STK38: variants seen among roughly 807,000 people sequenced by gnomAD.
STK38 encodes the protein serine/threonine kinase 38.
A neutral mutation model predicts 59.0 loss-of-function variants in STK38; 26 were observed. The observed-to-expected ratio is 0.44, with a 90% CI of 0.32 to 0.61. STK38 has a LOEUF of 0.61. Ranked by LOEUF, STK38 falls within the 20% of genes least tolerant of loss-of-function variation. The pLI, the probability that STK38 is intolerant of heterozygous loss-of-function variation, is 0.04. For missense variants in STK38, 433 were observed against 566.0 expected (o/e 0.76, Z 2.38); for synonymous variants, 175 against 176.6 (o/e 0.99, Z 0.07).
At chr6:36,499,529 C>T (rs184978160) in intron 10 of STK38, among the ~76,000 whole-genome samples, 11 of 152,192 alleles carry the variant, frequency 7.2e-5, no homozygotes, top group Non-Finnish European at 1.5e-4. Context: ...AGGAAGGGGG[C>T]GGCAAATTAG....
rs1200049731 is a variant in STK38 at position 36,522,855 on chromosome 6, CAAAAAAAAA to C, written c.307-1047_307-1039del. On this transcript the variant is annotated intron_variant, in intron 4 of 13. Transcript: ENST00000229812. ...TGGGCAACAGAGCAAGACTCTGTCT[CAAAAAAAAA>C]AAAAAAAAAAAAAAGAAGAAGAAGA... is the stretch of plus-strand genomic sequence containing the variant. Among the ~76,000 whole-genome samples the C allele has an allele frequency of 1.8e-4, 12 of 66,568 alleles. No individual in the cohort carries two copies. In the South Asian group the frequency reaches 1.9e-3, roughly 11 times the overall value. 43.7% of individuals were successfully genotyped at this position (66,568 alleles called of 152,430 possible).
chr6:36,507,454 T>C lies in STK38; in HGVS notation c.772+46A>G, dbSNP rs377586216. ...TTGGTTACAAGGGAAACAGCTCTTC[T>C]AGGCCCAGTTAGAACGAAAAGGCTA... is the stretch of plus-strand genomic sequence containing the variant. On this transcript the variant is annotated intron_variant, in intron 8 of 13. Coordinates refer to ENST00000229812, the MANE Select transcript of STK38 (RefSeq NM_007271.4). 3.9e-6 allele frequency: 6 copies of C among 1,522,544 alleles called. No homozygotes were observed. In the African/African-American group the frequency reaches 8.2e-5, roughly 21 times the overall value. The allele number at this position is 1,522,544 out of a possible 1,614,324, so 94.3% of individuals were successfully genotyped here.
chr6:36,526,226 T>G lies in STK38; in HGVS notation c.132-584A>C, dbSNP rs964311281. Reference sequence around the variant, plus strand: ...TCCTCTCTTGGTTTTGGGTGTTTTTTTTTTTTTTTTTTTCCAGTTATTTCC... The same window carrying G: ...TCCTCTCTTGGTTTTGGGTGTTTTTGTTTTTTTTTTTTTCCAGTTATTTCC... On this transcript the variant is annotated intron_variant, in intron 2 of 13. Transcript: ENST00000229812. Among the ~76,000 whole-genome samples, 101 of 91,682 alleles carry G rather than the reference T, an allele frequency of 1.1e-3. 1 individual carries two copies. In the East Asian group the frequency reaches 0.03, roughly 28 times the overall value. 60.1% of individuals were successfully genotyped at this position (91,682 alleles called of 152,430 possible). A position where few individuals can be genotyped will look rare whatever the true frequency, so the allele number is the denominator to read the frequency against.
rs192163171 is a variant in STK38, at chr6:36,531,412, G to A, written c.132-5770C>T. Among the ~76,000 whole-genome samples the A allele has an allele frequency of 4.9e-4, 75 of 152,244 alleles. 1 individual carries two copies. The East Asian group carries it at 0.012, about 24-fold the overall frequency. ...AAAATGTTTTGTAAAAAGAAATGCC[G>A]GTTTCTTCAGATTTGATTTCAAACT... On this transcript the variant is annotated intron_variant, in intron 2 of 13. Coordinates refer to ENST00000229812, the MANE Select transcript of STK38 (RefSeq NM_007271.4).
At chr6:36,527,881 C>T (rs988831051) in intron 2 of STK38, among the ~76,000 whole-genome samples, 5 of 150,430 alleles carry the variant, frequency 3.3e-5, no homozygotes, top group East Asian at 1.9e-4. Context: ...AGGCAGATCA[C>T]GAGGTCAGGA....
chr6:36,527,366 TAC>T (rs60339207), intron 2 of STK38, among the ~76,000 whole-genome samples: 33,057 of 145,324 alleles, frequency 0.23, 3,964 homozygotes, highest in Admixed American at 0.33. Context: ...TATATATTAG[TAC>T]ACACACACAC....
chr6:36,498,238 T>A, intron 11 of STK38, 125 bp downstream of exon 11: 1 of 1,343,344 alleles, frequency 7.4e-7, no homozygotes, highest in East Asian at 2.3e-5. Context: ...AGCCTTTTTA[T>A]TTGTTTAAAG....
intron 2 of STK38, among the ~76,000 whole-genome samples, chr6:36,528,256 A>T (rs1196510503): frequency 1.3e-5 from 2 of 152,138 alleles, no homozygotes; most frequent in Non-Finnish European, 2.9e-5. Flanking sequence ...TGTGCAAAGG[A>T]GTGATGTGAT....
At chr6:36,545,570 A>G (rs1304845803) in intron 1 of STK38, among the ~76,000 whole-genome samples, 1 of 152,132 alleles carries the variant, frequency 6.6e-6, no homozygotes, top group Non-Finnish European at 1.5e-5. Flanking sequence ...CCTCTATTGT[A>G]ATATAAAAAA....
chr6:36,497,938 C>CTTTT (rs147832342), intron 11 of STK38, 63 bp from the exon 12 acceptor site: 29 of 656,680 alleles, frequency 4.4e-5, no homozygotes, highest in South Asian at 8.6e-5. Flanking sequence ...GAAAAACTTT[C>CTTTT]TTTTTTTTTT....
intron 1 of STK38, among the ~76,000 whole-genome samples, chr6:36,541,175 C>T (rs1425492355): frequency 6.6e-6 from 1 of 152,176 alleles, no homozygotes; most frequent in Non-Finnish European, 1.5e-5. Flanking sequence ...CTGAGGATAA[C>T]AGGCGTGAGC....
At chr6:36,512,103 T>C (rs1016278794) in intron 7 of STK38, among the ~76,000 whole-genome samples, 4 of 152,096 alleles carry the variant, frequency 2.6e-5, no homozygotes, top group Admixed American at 2.6e-4. Context: ...AAAGTAAAAC[T>C]TTTTAAAAGC....
chr6:36,509,723 T>G (rs1022584905), intron 7 of STK38, among the ~76,000 whole-genome samples: 1 of 152,172 alleles, frequency 6.6e-6, no homozygotes, highest in Admixed American at 6.5e-5. Flanking sequence ...GGGCCGAGGC[T>G]GCTACAACTC....
chr6:36,521,368 G>A (rs1777371392), intron 5 of STK38, among the ~76,000 whole-genome samples: 2 of 151,724 alleles, frequency 1.3e-5, no homozygotes, highest in African/African-American at 4.8e-5. Context: ...TTAGTTATGA[G>A]ATATATATAC....
At position 36,521,791 on chromosome 6, in the gene STK38, C is replaced by A; in HGVS notation, c.333G>T (p.Thr111=). The change falls in exon 5 of 14, where the codon ACG becomes ACT. Residue 111 remains threonine, a synonymous_variant. Transcript: ENST00000229812. ...GEVRLVQKKD[T]GHVYAMKILR... ...GTATTTTCATTGCATACACATGTCC[C>A]GTATCTTTCTTCTGAACAAGCCGTA... 1 of 1,610,688 alleles carries A rather than the reference C, an allele frequency of 6.2e-7. No individual in the cohort carries two copies. Among genetic ancestry groups the A allele is most frequent in the Non-Finnish European group, 8.5e-7 (1 of 1,179,282 alleles).
chr6:36,535,308 C>T (rs10947611), intron 2 of STK38, among the ~76,000 whole-genome samples: 7 of 151,598 alleles, frequency 4.6e-5, no homozygotes, highest in African/African-American at 9.7e-5. Context: ...AAATTAGCCA[C>T]GGTGGTGGCA....
chr6:36,542,971 T>C (rs1777974822), intron 1 of STK38, among the ~76,000 whole-genome samples: 1 of 151,960 alleles, frequency 6.6e-6, no homozygotes, highest in African/African-American at 2.4e-5. Flanking sequence ...TAAAATAAAA[T>C]CTTGTTTTCC....
In STK38 at chr6:36,515,331, C is replaced by A. The variant is rs781030312; in HGVS notation, c.669+7G>T. 1.2e-6 allele frequency: 2 copies of A among 1,613,596 alleles called. No individual in the cohort carries two copies. Among genetic ancestry groups the A allele is most frequent in the Non-Finnish European group, 1.7e-6 (2 of 1,179,800 alleles). Reference sequence around the variant, plus strand: ...GTGCATAGTTCATGCCAATGCCCCCCCAATACCTTGCTGTCCAAAAGAAGG... The same window carrying A: ...GTGCATAGTTCATGCCAATGCCCCCACAATACCTTGCTGTCCAAAAGAAGG... On this transcript the variant is annotated splice_region_variant and intron_variant, in intron 7 of 13. Transcript: ENST00000229812.
intron 1 of STK38, among the ~76,000 whole-genome samples, chr6:36,540,569 T>C (rs1029961384): frequency 2.6e-5 from 4 of 152,192 alleles, no homozygotes; most frequent in East Asian, 1.9e-4. Context: ...GGAAATACCA[T>C]GCAACAACCA....
Sources: gnomAD v4.1 joint callset for allele counts (sites outside exome capture counted in the v4.1 genomes callset) on GRCh38, gnomAD v4.1.1 for gene constraint, MANE v1.5 for transcripts, NCBI Gene and HGNC (gene_info 2026-07-23, HGNC 2026-07-21) for gene names.